The following ADGRL3 variants were observed in gnomAD, a reference collection of about 807,000 sequenced individuals.
The protein encoded by ADGRL3 is adhesion G protein-coupled receptor L3.
In ADGRL3, 62 loss-of-function variants were observed where a neutral mutation model predicts 153.5. That is an observed-to-expected ratio of 0.40 (90% CI 0.33 to 0.50). The LOEUF is 0.50. Among genes scored for constraint, ADGRL3 ranks in the 20% least tolerant of loss-of-function variants. ADGRL3 has a pLI of 0.47. For synonymous variants in ADGRL3, 710 were observed against 672.5 expected, an observed-to-expected ratio of 1.06 and a Z score of -0.86; for missense variants, 1,641 against 1,859.4, an observed-to-expected ratio of 0.88 and a Z score of 2.16.
chr4:61,276,074 T>C lies in ADGRL3; in HGVS notation c.-240+74309T>C, dbSNP rs528307722. 2.6e-5 allele frequency among the ~76,000 whole-genome samples: 4 copies of C among 152,256 alleles called. No individual in the cohort carries two copies. In the East Asian group the frequency reaches 7.7e-4, roughly 29 times the overall value. The stretch of plus-strand genomic sequence containing the variant: ...TTATTCTGGTGAAATGAAGAGTAAG[T>C]ACCTAGGTGCAAAGGCTGCTAGACA... On this transcript the variant is annotated intron_variant, in intron 1 of 26. Transcript: ENST00000683033.
chr4:61,286,749 A>AT (rs995699148), intron 1 of ADGRL3, among the ~76,000 whole-genome samples: 1 of 151,346 alleles, frequency 6.6e-6, no homozygotes, highest in African/African-American at 2.4e-5. Context: ...AAAAAACAGT[A>AT]TTTTTTTTAG....
intron 4 of ADGRL3, among the ~76,000 whole-genome samples, chr4:61,558,173 CATAT>C (rs33947698): frequency 6.0e-4 from 77 of 129,028 alleles, no homozygotes; most frequent in African/African-American, 2.2e-3. Flanking sequence ...ATGTAGGAAT[CATAT>C]ATATATATAT....
intron 15 of ADGRL3, among the ~76,000 whole-genome samples, chr4:61,946,445 TAATG>T (rs1236879508): frequency 6.6e-6 from 1 of 152,206 alleles, no homozygotes; most frequent in African/African-American, 2.4e-5. Context: ...TTTTGTATAA[TAATG>T]AATCTTATTT....
chr4:62,038,022 CTG>C (rs1256732191), intron 24 of ADGRL3, among the ~76,000 whole-genome samples, 166 bp downstream of exon 24: 2 of 152,092 alleles, frequency 1.3e-5, no homozygotes, highest in Non-Finnish European at 2.9e-5. Context: ...GAAACTAAAA[CTG>C]TAATAATATG....
chr4:61,370,440 C>T (rs1219022419), intron 1 of ADGRL3, among the ~76,000 whole-genome samples: 2 of 151,540 alleles, frequency 1.3e-5, no homozygotes, highest in Non-Finnish European at 2.9e-5. Flanking sequence ...TCTTTGTTCT[C>T]GTTGGTTTGA....
chr4:61,785,323 A>G (rs573799284), intron 8 of ADGRL3, among the ~76,000 whole-genome samples: 2 of 152,296 alleles, frequency 1.3e-5, no homozygotes, highest in South Asian at 2.1e-4. Context: ...TTTATTCTGC[A>G]GTGCTCCAAA....
chr4:61,596,636 C>A (rs747908515), intron 5 of ADGRL3, among the ~76,000 whole-genome samples: 5 of 152,060 alleles, frequency 3.3e-5, no homozygotes. Context: ...GAGAATTGCT[C>A]CAGCCTAGGA....
At chr4:61,754,442 A>C (rs2096795322) in intron 8 of ADGRL3, among the ~76,000 whole-genome samples, 1 of 152,026 alleles carries the variant, frequency 6.6e-6, no homozygotes, top group Non-Finnish European at 1.5e-5. Flanking sequence ...CTTTAATTTG[A>C]AAAACAAAAT....
intron 9 of ADGRL3, among the ~76,000 whole-genome samples, chr4:61,847,767 A>ATAT (rs1423622739): frequency 1.0e-4 from 4 of 38,274 alleles, no homozygotes; most frequent in African/African-American, 2.1e-4. Context: ...AATACAAAAT[A>ATAT]TATATATAAT....
At chr4:61,400,128 T>C (rs1460045529) in intron 2 of ADGRL3, among the ~76,000 whole-genome samples, 1 of 151,742 alleles carries the variant, frequency 6.6e-6, no homozygotes, top group Non-Finnish European at 1.5e-5. Context: ...AGAGGTTCAG[T>C]TGAGTTTTTA....
chr4:61,214,923 G>T (rs1741919436), intron 1 of ADGRL3, among the ~76,000 whole-genome samples: 1 of 152,006 alleles, frequency 6.6e-6, no homozygotes, highest in Non-Finnish European at 1.5e-5. Context: ...GGGCTACAGA[G>T]TGAGACCTTG....
At position 62,055,865 on chromosome 4, in the gene ADGRL3, C is replaced by T. The variant is rs562115311; in HGVS notation, c.3814+11316C>T. On this transcript the variant is annotated intron_variant, in intron 25 of 26. Transcript: ENST00000683033. ...ATAGACAATGCCTATTGAATCTGTT[C>T]TCTGTAATTCTAGAAGCCTCTTCTT... Among the ~76,000 whole-genome samples, 6 of 151,570 alleles carry T rather than the reference C, an allele frequency of 4.0e-5. No homozygotes were observed. The South Asian group carries it at 1.2e-3, about 32-fold the overall frequency.
intron 25 of ADGRL3, among the ~76,000 whole-genome samples, chr4:62,057,044 C>T (rs1484612069): frequency 6.6e-6 from 1 of 151,922 alleles, no homozygotes; most frequent in African/African-American, 2.4e-5. Flanking sequence ...AGTCTGAGGG[C>T]AGAGTAGAGT....
chr4:61,676,926 G>A lies in ADGRL3; in HGVS notation c.574G>A (p.Val192Ile). The A allele has an allele frequency of 6.3e-7, 1 of 1,599,320 alleles. No homozygotes were observed. The highest frequency in any genetic ancestry group is 1.3e-5 in the African/African-American group (1 of 74,618). ...YKYLEVQYECVPYKVEQKVFL... is the reference protein window; with the variant it reads ...YKYLEVQYECIPYKVEQKVFL... ...ATACCTTGAAGTGCAGTATGAATGT[G>A]TCCCTTACAGTATGTATATTCCTAT... The change falls in exon 6 of 27, where the codon GTC becomes ATC. Residue 192 changes from valine (V) to isoleucine (I), a missense_variant. By Grantham distance (29) the Val-to-Ile change is conservative. Transcript: ENST00000683033.
chr4:61,682,023 AT>A (rs1456183441), intron 6 of ADGRL3, among the ~76,000 whole-genome samples: 5 of 152,042 alleles, frequency 3.3e-5, no homozygotes, highest in Non-Finnish European at 7.4e-5. Flanking sequence ...TACTGCATTC[AT>A]TGCTAGAATG....
chr4:61,639,152 A>C (rs965696372), intron 5 of ADGRL3, among the ~76,000 whole-genome samples: 1 of 152,172 alleles, frequency 6.6e-6, no homozygotes, highest in South Asian at 2.1e-4. Context: ...TGACAATTCA[A>C]AGTGCCTTTG....
intron 2 of ADGRL3, among the ~76,000 whole-genome samples, chr4:61,481,076 A>G (rs1344341458): frequency 3.9e-5 from 6 of 152,194 alleles, no homozygotes; most frequent in African/African-American, 1.4e-4. Flanking sequence ...GTGGTCATGA[A>G]CACTCATTTA....
At chr4:61,554,034 CA>C (rs2098753046) in intron 4 of ADGRL3, among the ~76,000 whole-genome samples, 1 of 145,186 alleles carries the variant, frequency 6.9e-6, no homozygotes, top group Admixed American at 6.9e-5. Flanking sequence ...GATAAAAGAA[CA>C]AAAAAAGGTA....
chr4:61,988,420 T>C (rs889388653), intron 19 of ADGRL3, among the ~76,000 whole-genome samples: 1 of 152,134 alleles, frequency 6.6e-6, no homozygotes, highest in African/African-American at 2.4e-5. Context: ...TCTTATATCT[T>C]TTTATGTCTC....
Sources: allele counts gnomAD v4.1 joint callset (sites outside exome capture counted in the v4.1 genomes callset), GRCh38; gene constraint gnomAD v4.1.1; transcripts MANE v1.5; gene names NCBI Gene and HGNC (gene_info 2026-07-23, HGNC 2026-07-21).